KCNU1: variants seen among roughly 807,000 people sequenced by gnomAD.
KCNU1 encodes potassium channel subfamily U member 1.
A neutral mutation model predicts 126.8 loss-of-function variants in KCNU1; 93 were observed. The ratio of observed to expected loss-of-function variants is 0.73; its 90% CI spans 0.62 to 0.87. The LOEUF is 0.87. KCNU1 is among the 40% of genes least tolerant of loss of function. The probability of loss-of-function intolerance (pLI) is 0.00; values close to 1 mark genes in which losing one functional copy is unlikely to be tolerated. For missense variants in KCNU1, 1,330 were observed against 1,367.1 expected, an observed-to-expected ratio of 0.97 and a Z score of 0.43; for synonymous variants, 523 against 494.2, an observed-to-expected ratio of 1.06 and a Z score of -0.77.
At chr8:36,845,498 T>C (rs979055890) in intron 16 of KCNU1, 82 bp from the exon 17 acceptor site, 9 of 752,116 alleles carry the variant, frequency 1.2e-5, no homozygotes, top group Non-Finnish European at 1.6e-5. Context: ...AGAGAATCCA[T>C]TGATCATAAC....
At position 36,845,851 on chromosome 8, in the gene KCNU1, C is replaced by A. The variant is rs1179737142; in HGVS notation, c.1843C>A (p.Leu615Ile). 1.2e-6 allele frequency: 2 copies of A among 1,609,306 alleles called. No individual in the cohort carries two copies. The highest frequency in any genetic ancestry group is 1.7e-5 in the Admixed American group (1 of 59,478). ...VCHDDVFIPE[L>I]ITNCGCKSRS... ...TCATGATGATGTGTTCATTCCTGAG[C>A]TAATTACAAACTGTGGCTGCAAAAG... Residue 615 changes from leucine (L) to isoleucine (I), a missense_variant, in exon 18 of 27, where the codon CTA becomes ATA. Coordinates refer to ENST00000399881, the MANE Select transcript of KCNU1 (RefSeq NM_001031836.3).
intron 18 of KCNU1, among the ~76,000 whole-genome samples, chr8:36,846,548 A>G (rs1805152389): frequency 6.6e-6 from 1 of 152,170 alleles, no homozygotes; most frequent in Non-Finnish European, 1.5e-5. Flanking sequence ...TCACACCTGT[A>G]ATCCCAGCAT....
chr8:36,885,183 C>G (rs1185374996), intron 19 of KCNU1, among the ~76,000 whole-genome samples: 2 of 152,116 alleles, frequency 1.3e-5, no homozygotes, highest in South Asian at 2.1e-4. Flanking sequence ...CTACCAGGCT[C>G]TAGGAATTTT....
Position 36,902,093 on chromosome 8 carries a change from T to C in KCNU1, c.2010-3615T>C, listed in dbSNP as rs187409038. On this transcript the variant is annotated intron_variant, in intron 19 of 26. Coordinates refer to ENST00000399881, the MANE Select transcript of KCNU1 (RefSeq NM_001031836.3). ...CGGAGCTTTAGTTAAGGGATGGTGATGTAAATTGCATTCGGTTTTGCTTTG... is the reference window on the plus strand; with the variant it reads ...CGGAGCTTTAGTTAAGGGATGGTGACGTAAATTGCATTCGGTTTTGCTTTG... 1.2e-4 allele frequency among the ~76,000 whole-genome samples: 19 copies of C among 152,248 alleles called. No homozygotes were observed. The East Asian group carries it at 3.5e-3, about 28-fold the overall frequency.
chr8:36,905,838 G>C, intron 20 of KCNU1, 34 bp downstream of exon 20: 1 of 1,023,646 alleles, frequency 9.8e-7, no homozygotes, highest in Non-Finnish European at 1.5e-6. Flanking sequence ...TCTCAAATAA[G>C]ATAAAGCATT....
At chr8:36,935,276 C>A (rs949891700) in intron 26 of KCNU1, among the ~76,000 whole-genome samples, 17 of 152,096 alleles carry the variant, frequency 1.1e-4, no homozygotes, top group African/African-American at 4.1e-4. Context: ...TGGTTGGGTT[C>A]AGAGGCAGGG....
At chr8:36,846,917 T>C (rs1805172620) in intron 18 of KCNU1, among the ~76,000 whole-genome samples, 1 of 152,182 alleles carries the variant, frequency 6.6e-6, no homozygotes, top group South Asian at 2.1e-4. Context: ...TTTTCATCCC[T>C]GAGGTTCTTG....
chr8:36,916,753 T>A (rs1451204226), intron 22 of KCNU1, among the ~76,000 whole-genome samples: 2 of 152,092 alleles, frequency 1.3e-5, no homozygotes, highest in Non-Finnish European at 2.9e-5. Flanking sequence ...AACTGAAAAA[T>A]TTTGCGAAAT....
At chr8:36,838,128 A>T (rs1393431455) in intron 14 of KCNU1, among the ~76,000 whole-genome samples, 2 of 152,222 alleles carry the variant, frequency 1.3e-5, no homozygotes, top group African/African-American at 4.8e-5. Context: ...ATGAGCCTTC[A>T]TGCAGCTACA....
chr8:36,796,674 G>A (rs1225393375), intron 2 of KCNU1, among the ~76,000 whole-genome samples: 1 of 152,128 alleles, frequency 6.6e-6, no homozygotes, highest in Non-Finnish European at 1.5e-5. Context: ...TGCAATATTA[G>A]CATGTAACAT....
chr8:36,910,019 G>A (rs1220774307), intron 21 of KCNU1, among the ~76,000 whole-genome samples: 2 of 152,116 alleles, frequency 1.3e-5, no homozygotes, highest in African/African-American at 4.8e-5. Flanking sequence ...ATGGAGAGGA[G>A]GGATTTTACT....
intron 19 of KCNU1, among the ~76,000 whole-genome samples, chr8:36,882,471 C>T (rs895462957): frequency 1.1e-4 from 17 of 152,332 alleles, no homozygotes; most frequent in Non-Finnish European, 8.8e-5. Flanking sequence ...ATACCTCTTG[C>T]CCCTTCTCTG....
chr8:36,921,238 G>A (rs925105020), intron 23 of KCNU1, among the ~76,000 whole-genome samples: 2 of 152,158 alleles, frequency 1.3e-5, no homozygotes, highest in Non-Finnish European at 2.9e-5. Flanking sequence ...TCCACCAGGT[G>A]ACATGAAGAG....
At chr8:36,867,774 C>T (rs1276930351) in intron 19 of KCNU1, among the ~76,000 whole-genome samples, 1 of 152,098 alleles carries the variant, frequency 6.6e-6, no homozygotes, top group East Asian at 1.9e-4. Flanking sequence ...CAGAATTTTT[C>T]CCATTGGTTT....
At chr8:36,871,841 A>G (rs889787665) in intron 19 of KCNU1, among the ~76,000 whole-genome samples, 5 of 152,108 alleles carry the variant, frequency 3.3e-5, no homozygotes, top group African/African-American at 1.2e-4. Context: ...GTTAACTACT[A>G]TTTGCATGCT....
At chr8:36,801,978 G>A (rs1054182434) in intron 2 of KCNU1, among the ~76,000 whole-genome samples, 4 of 151,696 alleles carry the variant, frequency 2.6e-5, no homozygotes, top group Non-Finnish European at 5.9e-5. Context: ...GTATAGTGGC[G>A]AGTGCCTGTA....
At chr8:36,851,478 T>C (rs965573812) in intron 18 of KCNU1, among the ~76,000 whole-genome samples, 1 of 151,970 alleles carries the variant, frequency 6.6e-6, no homozygotes, top group Non-Finnish European at 1.5e-5. Flanking sequence ...GATTGTTAGT[T>C]TCCTGAGACC....
chr8:36,919,775 A>T (rs1808273163), intron 23 of KCNU1, among the ~76,000 whole-genome samples: 1 of 152,220 alleles, frequency 6.6e-6, no homozygotes, highest in Admixed American at 6.5e-5. Context: ...AAAAATGCAT[A>T]ATGGGCATTT....
At chr8:36,883,408 A>G (rs1806566791) in intron 19 of KCNU1, among the ~76,000 whole-genome samples, 1 of 152,052 alleles carries the variant, frequency 6.6e-6, no homozygotes, top group African/African-American at 2.4e-5. Context: ...TTTATCATTT[A>G]CTCCTGTTCC....
Sources: gnomAD v4.1 joint callset for allele counts (sites outside exome capture counted in the v4.1 genomes callset) on GRCh38, gnomAD v4.1.1 for gene constraint, MANE v1.5 for transcripts, NCBI Gene and HGNC (gene_info 2026-07-23, HGNC 2026-07-21) for gene names.